The following KCNC4 variants were observed in gnomAD, a reference collection of about 807,000 sequenced individuals.
KCNC4 encodes potassium voltage-gated channel subfamily C member 4.
KCNC4 carries 23 observed loss-of-function variants against 42.8 expected under a neutral mutation model. The observed-to-expected ratio is 0.54, with a 90% confidence interval of 0.39 to 0.76. The LOEUF is 0.76. KCNC4 is among the 30% of genes least tolerant of loss of function. The pLI is 0.00. For synonymous variants in KCNC4, 422 were observed against 393.5 expected, an observed-to-expected ratio of 1.07 and a Z score of -0.86; for missense variants, 751 against 898.2, an observed-to-expected ratio of 0.84 and a Z score of 2.10.
chr1:110,243,090 A>G (rs1210019383), exon 4 of KCNC4: 1 of 152,288 alleles, frequency 6.6e-6, no homozygotes, highest in Non-Finnish European at 1.5e-5. Context: ...GGATATGTGA[A>G]GTGGCTCTAG....
At chr1:110,232,862 G>C (rs928456151) in intron 3 of KCNC4, 49 bp from the exon 4 acceptor site, 1 of 1,574,478 alleles carries the variant, frequency 6.4e-7, no homozygotes. Flanking sequence ...GCAATGTTGA[G>C]CCGAAAGCGT....
At position 110,210,694 on chromosome 1, in the gene KCNC4, C is replaced by A. The variant is rs1424914037; in HGVS notation, c.-806C>A. ...CAGGACGCCCCGTCTGAGGCACCCC[C>A]GCCCCAGCGCGGCCCCCGCAGCGCT... On this transcript the variant is annotated 5_prime_UTR_variant, in exon 1 of 4. Coordinates refer to ENST00000438661, the MANE Select transcript of KCNC4 (RefSeq NM_001039574.3). Among the ~76,000 whole-genome samples, 1 of 151,290 alleles carries A rather than the reference C, an allele frequency of 6.6e-6. No individual in the cohort carries two copies. Among genetic ancestry groups the A allele is most frequent in the Non-Finnish European group, 1.5e-5 (1 of 67,740 alleles).
At chr1:110,265,607 A>G (rs190532550) in intron 1 of KCNC4, among the ~76,000 whole-genome samples, 69 of 152,216 alleles carry the variant, frequency 4.5e-4, no homozygotes, top group African/African-American at 1.7e-3. Flanking sequence ...ACTTATGTCA[A>G]AAAGTTAACC....
At chr1:110,241,985 C>A (rs1165612000) in exon 4 of KCNC4, 1 of 152,244 alleles carries the variant, frequency 6.6e-6, no homozygotes, top group African/African-American at 2.4e-5. Flanking sequence ...TAGCTGCCCT[C>A]TGCTGACTTC....
chr1:110,254,094 G>A (rs974279085), downstream of KCNC4, among the ~76,000 whole-genome samples: 4 of 131,040 alleles, frequency 3.1e-5, no homozygotes, highest in South Asian at 2.4e-4. Flanking sequence ...AGAAGTCGGG[G>A]GGGGGGCGGC....
chr1:110,252,033 A>C (rs1168185687), downstream of KCNC4, among the ~76,000 whole-genome samples: 1 of 152,202 alleles, frequency 6.6e-6, no homozygotes, highest in East Asian at 1.9e-4. Flanking sequence ...GAGGGGCTAA[A>C]GGAGGGAGCA....
At chr1:110,232,351 T>G (rs749815943) in intron 3 of KCNC4, 3 of 1,599,294 alleles carry the variant, frequency 1.9e-6, no homozygotes, top group Non-Finnish European at 1.7e-6. Flanking sequence ...CTCAGGAGCC[T>G]TCTTCACCAG....
At chr1:110,232,104 G>C in intron 3 of KCNC4, 1 of 926,352 alleles carries the variant, frequency 1.1e-6, no homozygotes, top group Non-Finnish European at 1.7e-6. Context: ...GTAAGGTAGG[G>C]GAAGGAAAGG....
intron 2 of KCNC4, chr1:110,225,315 C>T (rs752610731): frequency 6.6e-6 from 1 of 152,292 alleles, no homozygotes; most frequent in Non-Finnish European, 1.5e-5. Context: ...GATCCAAGGG[C>T]CCAGCTTCAC....
chr1:110,216,514 T>G (rs1409251711), intron 1 of KCNC4, among the ~76,000 whole-genome samples: 2 of 152,250 alleles, frequency 1.3e-5, no homozygotes, highest in Admixed American at 6.5e-5. Flanking sequence ...CTGAACATCT[T>G]GTCTCTGAAT....
chr1:110,232,102 G>A, intron 3 of KCNC4: 1 of 894,956 alleles, frequency 1.1e-6, no homozygotes, highest in Non-Finnish European at 1.7e-6. Flanking sequence ...TGGTAAGGTA[G>A]GGGAAGGAAA....
chr1:110,268,021 C>T (rs561207686), intron 1 of KCNC4, among the ~76,000 whole-genome samples: 26 of 152,288 alleles, frequency 1.7e-4, no homozygotes, highest in African/African-American at 5.8e-4. Context: ...TTACTACCCC[C>T]GAGTCATGTA....
At chr1:110,228,108 C>G (rs1256893817) in intron 3 of KCNC4, among the ~76,000 whole-genome samples, 1 of 152,196 alleles carries the variant, frequency 6.6e-6, no homozygotes, top group Non-Finnish European at 1.5e-5. Flanking sequence ...GCAACTTTCT[C>G]CACGCCGTAC....
chr1:110,223,519 C>G lies in KCNC4; in HGVS notation c.1234C>G (p.Pro412Ala). ...GCGCATTGGGGCCAGGCCCTCCGAC[C>G]CTCGGGGTAATGACCACACCGACTT... Reference protein sequence around the residue: ...AERIGARPSDPRGNDHTDFKN... With the variant: ...AERIGARPSDARGNDHTDFKN... Residue 412 changes from proline (P) to alanine (A), a missense_variant, in exon 2 of 4, where the codon CCT becomes GCT. Transcript: ENST00000438661. This position sits in a 1 kb window ranked among gnomAD's most constrained non-coding sequence, Gnocchi z 7.5. 2 of 1,613,914 alleles carry G rather than the reference C, an allele frequency of 1.2e-6. No homozygotes were observed. Among genetic ancestry groups the G allele is most frequent in the Non-Finnish European group, 1.7e-6 (2 of 1,180,034 alleles).
chr1:110,223,219 A>T lies in KCNC4; in HGVS notation c.934A>T (p.Asn312Tyr). 6.2e-7 allele frequency: 1 copy of T among 1,614,218 alleles called. No homozygotes were observed. The highest frequency in any genetic ancestry group is 8.5e-7 in the Non-Finnish European group (1 of 1,180,046). Reference protein sequence around the residue: ...CCPDTLDFVKNLLNIIDFVAI... With the variant: ...CCPDTLDFVKYLLNIIDFVAI... The stretch of plus-strand genomic sequence containing the variant: ...CCCCGACACGCTGGACTTCGTCAAG[A>T]ACCTGCTCAACATCATCGACTTTGT... The change falls in exon 2 of 4, where the codon AAC becomes TAC. Residue 312 changes from asparagine (N) to tyrosine (Y), a missense_variant. Around this residue, in one of 4 missense-constraint regions of KCNC4, gnomAD observed 185 missense variants for 293.7 expected, o/e 0.63. Coordinates refer to ENST00000438661, the MANE Select transcript of KCNC4 (RefSeq NM_001039574.3). This position sits in a 1 kb window ranked among gnomAD's most constrained non-coding sequence, Gnocchi z 7.5.
Position 110,233,079 on chromosome 1 carries a change from C to G in KCNC4, c.*107C>G. The G allele has an allele frequency of 1.4e-6, 2 of 1,388,388 alleles. No homozygotes were observed. The highest frequency in any genetic ancestry group is 2.0e-6 in the Non-Finnish European group (2 of 1,011,306). The allele number at this position is 1,388,388 out of a possible 1,614,324, so 86.0% of individuals were successfully genotyped here. A position where few individuals can be genotyped will look rare whatever the true frequency, so the allele number is the denominator to read the frequency against. ...TTTCGCTGGGAAAGACTCAGATATC[C>G]TTGTTTGCACAGGACTGGTGGAAAA... On this transcript the variant is annotated 3_prime_UTR_variant, in exon 4 of 4. Coordinates refer to ENST00000438661, the MANE Select transcript of KCNC4 (RefSeq NM_001039574.3).
At position 110,223,648 on chromosome 1, in the gene KCNC4, C is replaced by T; in HGVS notation, c.1363C>T (p.Leu455=). ...GTGGTCAGGCATGCTGGTAGGGGCA[C>T]TGTGTGCACTGGCTGGCGTGCTCAC... ...KTWSGMLVGA[L]CALAGVLTIA... Residue 455 remains leucine (L), a synonymous_variant, in exon 2 of 4, where the codon CTG becomes TTG. Coordinates refer to ENST00000438661, the MANE Select transcript of KCNC4 (RefSeq NM_001039574.3). The surrounding 1 kb of genome is among the most constrained non-coding windows in gnomAD (Gnocchi z 7.5). The T allele has an allele frequency of 6.2e-7, 1 of 1,614,158 alleles. No homozygotes were observed. Among genetic ancestry groups the T allele is most frequent in the South Asian group, 1.1e-5 (1 of 91,086 alleles).
chr1:110,232,225 A>G (rs1658728955), intron 3 of KCNC4: 2 of 1,613,924 alleles, frequency 1.2e-6, no homozygotes, highest in Non-Finnish European at 1.7e-6. Flanking sequence ...AGACAGGCAC[A>G]TTCGTCCTCC....
intron 1 of KCNC4, among the ~76,000 whole-genome samples, chr1:110,268,326 G>T (rs1659579144): frequency 6.6e-6 from 1 of 152,192 alleles, no homozygotes; most frequent in African/African-American, 2.4e-5. Context: ...CTCTAGCCTT[G>T]GCCGGGTACC....
Sources: allele counts gnomAD v4.1 joint callset (sites outside exome capture counted in the v4.1 genomes callset), GRCh38; gene constraint gnomAD v4.1.1; regional missense constraint gnomAD v4.1.1; non-coding constraint Gnocchi (gnomAD v3.1); transcripts MANE v1.5; gene names NCBI Gene and HGNC (gene_info 2026-07-23, HGNC 2026-07-21).